The following CFAP47 variants were observed in gnomAD, a reference collection of about 807,000 sequenced individuals.
CFAP47 encodes the protein cilia- and flagella-associated protein 47.
Under a neutral mutation model 148.1 loss-of-function variants are expected in CFAP47, and 29 were observed. That is an observed-to-expected ratio of 0.20 (90% confidence interval 0.15 to 0.27). The LOEUF is 0.27. Among genes scored for constraint, CFAP47 ranks in the 10% least tolerant of loss-of-function variants. The pLI is 1.00. For synonymous variants in CFAP47, 664 were observed against 577.3 expected, an observed-to-expected ratio of 1.15 and a Z score of -2.15; for missense variants, 1,872 against 1,697.5, an observed-to-expected ratio of 1.10 and a Z score of -1.81.
chrX:35,951,267 T>G lies in CFAP47; in HGVS notation c.793T>G (p.Ser265Ala). The change falls in exon 5 of 64, where the codon TCA becomes GCA. Residue 265 changes from serine to alanine, a missense_variant. Ser to Ala is a moderately conservative substitution (Grantham distance 99, BLOSUM62 1). Transcript: ENST00000378653. ...IHFGPVFFGS[S>A]KIKHARVYNN... Reference sequence around the variant, plus strand: ...CTTTGGTCCTGTTTTCTTCGGATCATCAAAAATTAAACATGCACGTGTATA... The same window carrying G: ...CTTTGGTCCTGTTTTCTTCGGATCAGCAAAAATTAAACATGCACGTGTATA... 1 of 1,210,254 alleles carries G rather than the reference T, an allele frequency of 8.3e-7. No individual in the cohort carries two copies. Among genetic ancestry groups the G allele is most frequent in the Non-Finnish European group, 1.1e-6 (1 of 894,703 alleles).
intron 22 of CFAP47, among the ~76,000 whole-genome samples, chrX:36,028,228 G>C (rs987166840): frequency 8.1e-5 from 9 of 110,991 alleles, no homozygotes; most frequent in African/African-American, 2.9e-4. Context: ...TTCTTTGCCT[G>C]GGTCCATGTC....
At chrX:36,111,974 T>A (rs7887037) in intron 33 of CFAP47, among the ~76,000 whole-genome samples, 25,852 of 110,757 alleles carry the variant, frequency 0.23, 4,028 homozygotes, top group African/African-American at 0.55. Flanking sequence ...TCTAATTGTG[T>A]TTATTCAGAT....
intron 45 of CFAP47, among the ~76,000 whole-genome samples, chrX:36,219,440 G>A (rs782788261): frequency 9.0e-6 from 1 of 111,241 alleles, no homozygotes; most frequent in African/African-American, 3.3e-5. Context: ...AATGTTTCAG[G>A]TTTCCCTTGG....
Sources: gnomAD v4.1 joint callset for allele counts (sites outside exome capture counted in the v4.1 genomes callset) on GRCh38, gnomAD v4.1.1 for gene constraint, MANE v1.5 for transcripts, NCBI Gene and HGNC (gene_info 2026-07-23, HGNC 2026-07-21) for gene names.